STK33: variants seen among roughly 807,000 people sequenced by gnomAD.
STK33 encodes the protein serine/threonine-protein kinase 33.
In STK33, 52 loss-of-function variants were observed where a neutral mutation model predicts 58.0. The ratio of observed to expected loss-of-function variants is 0.90; its 90% CI spans 0.72 to 1.13. STK33 has a LOEUF of 1.13. Ranked by LOEUF, STK33 falls within the 50% of genes most tolerant of loss-of-function variation. The probability of loss-of-function intolerance (pLI) is 0.00; values close to 1 mark genes in which losing one functional copy is unlikely to be tolerated. For synonymous variants in STK33, 215 were observed against 200.1 expected, an observed-to-expected ratio of 1.07 and a Z score of -0.63; for missense variants, 630 against 604.2, an observed-to-expected ratio of 1.04 and a Z score of -0.45.
At chr11:8,554,418 C>CAAAAAAAAAAAAAAAAAA in intron 1 of STK33, among the ~76,000 whole-genome samples, 1 of 58,722 alleles carries the variant, frequency 1.7e-5, no homozygotes, top group Non-Finnish European at 3.7e-5. Flanking sequence ...GACTCCATCT[C>CAAAAAAAAAAAAAAAAAA]AAAAAAAAAA....
chr11:8,464,744 T>C lies in STK33; in HGVS notation c.418A>G (p.Thr140Ala). 6 of 1,613,872 alleles carry C rather than the reference T, an allele frequency of 3.7e-6. No homozygotes were observed. The highest frequency in any genetic ancestry group is 5.1e-6 in the Non-Finnish European group (6 of 1,179,814). ...TTCACTTTTTTAATTGCCCACTTCG[T>C]TTCTGTTTCCTTGTCTGTCGCTTCA... Reference protein sequence around the residue: ...VIEATDKETETKWAIKKVNKE... With the variant: ...VIEATDKETEAKWAIKKVNKE... The change falls in exon 7 of 16, where the codon ACG becomes GCG. Residue 140 changes from threonine to alanine, a missense_variant. Physicochemically the swap from Thr to Ala is moderately conservative, Grantham distance 58. Transcript: ENST00000687296.
intron 5 of STK33, among the ~76,000 whole-genome samples, chr11:8,473,884 T>C (rs1949015904): frequency 6.6e-6 from 1 of 152,092 alleles, no homozygotes; most frequent in Non-Finnish European, 1.5e-5. Flanking sequence ...TATATAAAGA[T>C]GAATATGGCT....
At chr11:8,393,379 T>C (rs1354865403) in intron 15 of STK33, among the ~76,000 whole-genome samples, 1 of 152,234 alleles carries the variant, frequency 6.6e-6, no homozygotes, top group Non-Finnish European at 1.5e-5. Context: ...CAGGCAATTG[T>C]ATTTTCTCAG....
intron 15 of STK33, among the ~76,000 whole-genome samples, chr11:8,397,021 A>C (rs942682706): frequency 1.1e-4 from 17 of 152,052 alleles, no homozygotes; most frequent in Non-Finnish European, 2.4e-4. Flanking sequence ...GCCTCTGTAG[A>C]CTCCACCTCT....
At chr11:8,342,286 AC>A in the STK33 span, among the ~76,000 whole-genome samples, 2 of 152,230 alleles carry the variant, frequency 1.3e-5, no homozygotes, top group Non-Finnish European at 2.9e-5. Context: ...GAACTTTAGA[AC>A]AAAGAATGGT....
chr11:8,418,263 C>T (rs1941410809), intron 14 of STK33, among the ~76,000 whole-genome samples: 1 of 151,962 alleles, frequency 6.6e-6, no homozygotes, highest in Admixed American at 6.6e-5. Context: ...CTCAAGTAGT[C>T]CCAGTGTCTG....
the STK33 span, among the ~76,000 whole-genome samples, chr11:8,342,572 A>G: frequency 6.6e-6 from 1 of 152,226 alleles, no homozygotes; most frequent in Non-Finnish European, 1.5e-5. Flanking sequence ...CTTTATTTTC[A>G]TGCCTCGGGG....
intron 11 of STK33, among the ~76,000 whole-genome samples, chr11:8,444,527 T>C (rs1945167141): frequency 6.6e-6 from 1 of 152,216 alleles, no homozygotes; most frequent in South Asian, 2.1e-4. Flanking sequence ...TTTTTAGAAA[T>C]GAGTGACATA....
chr11:8,563,114 G>T (rs1343657269), intron 1 of STK33, among the ~76,000 whole-genome samples: 1 of 152,140 alleles, frequency 6.6e-6, no homozygotes, highest in East Asian at 1.9e-4. Flanking sequence ...CATAGTGACA[G>T]ATTGCAAAAA....
chr11:8,575,007 T>C (rs11041993), intron 1 of STK33, among the ~76,000 whole-genome samples: 71,965 of 151,808 alleles, frequency 0.47, 17,158 homozygotes, highest in South Asian at 0.64. Context: ...ATTGCGCAAC[T>C]GCACTCCAGT....
the STK33 span, among the ~76,000 whole-genome samples, chr11:8,373,233 G>GGCATTTCTGGGCA: frequency 1.5e-3 from 227 of 152,260 alleles, no homozygotes; most frequent in African/African-American, 5.3e-3. Context: ...GAACCCACAT[G>GGCATTTCTGGGCA]TTTCTGGGCA....
At chr11:8,424,084 C>G (rs1199176045) in intron 14 of STK33, among the ~76,000 whole-genome samples, 2 of 151,474 alleles carry the variant, frequency 1.3e-5, no homozygotes, top group Non-Finnish European at 2.9e-5. Context: ...GTGTGCTGCA[C>G]CCATTAACTC....
At chr11:8,586,305 C>T (rs1268097143) in intron 1 of STK33, among the ~76,000 whole-genome samples, 1 of 151,946 alleles carries the variant, frequency 6.6e-6, no homozygotes, top group Admixed American at 6.6e-5. Context: ...GCTAGCCTGT[C>T]CAGTCATTGT....
intron 1 of STK33, among the ~76,000 whole-genome samples, chr11:8,566,620 G>T (rs1472112275): frequency 6.6e-6 from 1 of 152,132 alleles, no homozygotes; most frequent in Non-Finnish European, 1.5e-5. Context: ...ATTGCATCTT[G>T]TAATAGTCAT....
chr11:8,363,234 T>G, the STK33 span, among the ~76,000 whole-genome samples: 2 of 152,218 alleles, frequency 1.3e-5, no homozygotes, highest in South Asian at 4.1e-4. Flanking sequence ...GCCAGCCACA[T>G]GGAATACTGT....
chr11:8,588,896 T>C lies in STK33; in HGVS notation c.-466+5187A>G, dbSNP rs1407324350. ...CCAAAGAAGATATACAAATTGCATATCTTCATATTAACACATGAAAAGATC... is the reference window on the plus strand; with the variant it reads ...CCAAAGAAGATATACAAATTGCATACCTTCATATTAACACATGAAAAGATC... On this transcript the variant is annotated intron_variant, in intron 1 of 15. Transcript: ENST00000687296. Among the ~76,000 whole-genome samples the C allele has an allele frequency of 3.3e-5, 5 of 152,290 alleles. No homozygotes were observed. The East Asian group carries it at 9.6e-4, about 29-fold the overall frequency.
the STK33 span, among the ~76,000 whole-genome samples, chr11:8,353,850 AG>A: frequency 3.9e-5 from 6 of 152,158 alleles, no homozygotes; most frequent in Non-Finnish European, 8.8e-5. Context: ...CCACAGCCCC[AG>A]ATCCAGGCCA....
rs1045048951 is a variant in STK33 at position 8,586,749 on chromosome 11, G to T, written c.-466+7334C>A. ...TGAGGCAGCAGAATCACTTGAATCC[G>T]GGAGGTGGAGGTTGCAGTGAGCCAA... is the stretch of plus-strand genomic sequence containing the variant. On this transcript the variant is annotated intron_variant, in intron 1 of 15. Coordinates refer to ENST00000687296, the MANE Select transcript of STK33 (RefSeq NM_001352389.2). 2.7e-5 allele frequency among the ~76,000 whole-genome samples: 4 copies of T among 147,972 alleles called. No individual in the cohort carries two copies. In the Admixed American group the frequency reaches 2.8e-4, roughly 10 times the overall value.
At chr11:8,354,516 A>ACACACACACACACACACACACACACACC in the STK33 span, among the ~76,000 whole-genome samples, 1 of 127,658 alleles carries the variant, frequency 7.8e-6, no homozygotes, top group Non-Finnish European at 1.8e-5. Flanking sequence ...ACACACACAC[A>ACACACACACACACACACACACACACACC]CCCCTCAGAC....
Sources: gnomAD v4.1 joint callset for allele counts (sites outside exome capture counted in the v4.1 genomes callset) on GRCh38, gnomAD v4.1.1 for gene constraint, MANE v1.5 for transcripts, NCBI Gene and HGNC (gene_info 2026-07-23, HGNC 2026-07-21) for gene names.